RCOR2: variants seen among roughly 807,000 people sequenced by gnomAD.
RCOR2 encodes REST corepressor 2.
In RCOR2, 19 loss-of-function variants were observed where a neutral mutation model predicts 58.9. The ratio of observed to expected loss-of-function variants is 0.32; its 90% CI spans 0.23 to 0.47. The LOEUF (loss-of-function observed/expected upper bound fraction) is 0.47, where lower values mean the gene tolerates loss of function less well. Among genes scored for constraint, RCOR2 ranks in the 20% least tolerant of loss-of-function variants. The probability of loss-of-function intolerance (pLI) is 1.00; values close to 1 mark genes in which losing one functional copy is unlikely to be tolerated. For synonymous variants in RCOR2, 286 were observed against 278.7 expected (o/e 1.03, Z -0.26); for missense variants, 590 against 707.9 (o/e 0.83, Z 1.89).
Position 63,914,179 on chromosome 11 carries a change from A to G in RCOR2, c.676-10T>C. 6.2e-7 allele frequency: 1 copy of G among 1,613,552 alleles called. No individual in the cohort carries two copies. The highest frequency in any genetic ancestry group is 8.5e-7 in the Non-Finnish European group (1 of 1,179,874). The stretch of plus-strand genomic sequence containing the variant: ...GCCGAGAGGGTAGAGGCTGCCAGTG[A>G]AAGGAGAGGCAGGTAGGTGGTGCAG... On this transcript the variant is annotated splice_polypyrimidine_tract_variant and intron_variant, in intron 7 of 11. Coordinates refer to ENST00000301459, the MANE Select transcript of RCOR2 (RefSeq NM_173587.4).
At chr11:63,915,910 G>A (rs73494154) in intron 1 of RCOR2, among the ~76,000 whole-genome samples, 5,686 of 152,242 alleles carry the variant, frequency 0.037, 273 homozygotes, top group African/African-American at 0.11. Context: ...CGGGGTTGGA[G>A]GGCAGCCCCT....
At position 63,912,001 on chromosome 11, in the gene RCOR2, C is replaced by T. The variant is rs1376306119; in HGVS notation, c.1436G>A (p.Arg479Gln). The T allele has an allele frequency of 3.3e-6, 4 of 1,210,120 alleles. No homozygotes were observed. The highest frequency in any genetic ancestry group is 4.2e-6 in the Non-Finnish European group (4 of 950,854). 75.0% of individuals were successfully genotyped at this position (1,210,120 alleles called of 1,614,324 possible). ...PLQQGRFLQP[R>Q]LAPNQPPPPL... The stretch of plus-strand genomic sequence containing the variant: ...CGGTGGGGGCTGGTTGGGGGCCAGC[C>T]GGGGCTGGAGGAAGCGGCCCTGCTG... The change falls in exon 12 of 12, where the codon CGG becomes CAG. Residue 479 changes from arginine to glutamine, a missense_variant. Arg to Gln is a conservative substitution (Grantham distance 43). Coordinates refer to ENST00000301459, the MANE Select transcript of RCOR2 (RefSeq NM_173587.4).
chr11:63,912,624 G>C (rs1394214369), intron 10 of RCOR2, 52 bp downstream of exon 10: 2 of 1,580,790 alleles, frequency 1.3e-6, no homozygotes, highest in Admixed American at 1.7e-5. Flanking sequence ...CTCCTTGGAG[G>C]GTGGGGAGAT....
chr11:63,926,035 G>A, the RCOR2 span, among the ~76,000 whole-genome samples: 8 of 151,842 alleles, frequency 5.3e-5, no homozygotes, highest in Admixed American at 2.0e-4. Flanking sequence ...TCGACCTCCC[G>A]AATAACTGGG....
upstream of RCOR2, among the ~76,000 whole-genome samples, chr11:63,921,952 G>A (rs149176924): frequency 6.6e-6 from 1 of 152,346 alleles, no homozygotes; most frequent in East Asian, 1.9e-4. Flanking sequence ...CAACAGTGTT[G>A]AGAGGTGGGA....
Position 63,912,000 on chromosome 11 carries a change from C to T in RCOR2, c.1437G>A (p.Arg479=). ...GCGGTGGGGGCTGGTTGGGGGCCAG[C>T]CGGGGCTGGAGGAAGCGGCCCTGCT... ...PLQQGRFLQP[R]LAPNQPPPPL... The change falls in exon 12 of 12, where the codon CGG becomes CGA. Residue 479 remains arginine, a synonymous_variant. Transcript: ENST00000301459. The T allele has an allele frequency of 7.0e-7, 1 of 1,427,584 alleles. No individual in the cohort carries two copies. Among genetic ancestry groups the T allele is most frequent in the Non-Finnish European group, 9.2e-7 (1 of 1,088,248 alleles). 88.4% of individuals were successfully genotyped at this position (1,427,584 alleles called of 1,614,324 possible).
the RCOR2 span, among the ~76,000 whole-genome samples, chr11:63,924,181 A>T: frequency 0.87 from 132,356 of 152,062 alleles, 58,487 homozygotes; most frequent in East Asian, 0.99. Context: ...GTCCTGGGAT[A>T]ACAGGCGTGA....
upstream of RCOR2, among the ~76,000 whole-genome samples, chr11:63,920,531 G>A (rs926792925): frequency 3.3e-5 from 5 of 152,234 alleles, no homozygotes; most frequent in African/African-American, 1.2e-4. Context: ...CAGCCAAGGG[G>A]CTAAACTTGG....
the RCOR2 span, among the ~76,000 whole-genome samples, chr11:63,924,087 T>C: frequency 0.056 from 8,580 of 152,194 alleles, 809 homozygotes; most frequent in African/African-American, 0.2. Flanking sequence ...TTTGTATTTT[T>C]AGTAGAGACA....
rs10897461 is a variant in RCOR2 at position 63,914,041 on chromosome 11, T to C, written c.804A>G (p.Glu268=). ...RPPKGMYLSP[E]GLTAVSGSPD... The stretch of plus-strand genomic sequence containing the variant: ...GGCTTCCTGACACTGCCGTGAGGCC[T>C]TCAGGGCTCAGGTACATGCCCTTGG... The change falls in exon 8 of 12, where the codon GAA becomes GAG. Residue 268 remains glutamate, a synonymous_variant. Transcript: ENST00000301459. 1,607,105 of 1,613,884 alleles carry C rather than the reference T, an allele frequency of 1. 800,397 individuals are homozygous for C. Among genetic ancestry groups the C allele is most frequent in the East Asian group, 1 (44,876 of 44,876 alleles).
intron 1 of RCOR2, among the ~76,000 whole-genome samples, 196 bp downstream of exon 1, chr11:63,916,134 C>T (rs1045291421): frequency 6.6e-6 from 1 of 152,234 alleles, no homozygotes; most frequent in African/African-American, 2.4e-5. Context: ...GACGCCTCCA[C>T]AGCAGCTAGG....
At chr11:63,913,649 A>C (rs1941812447) in intron 8 of RCOR2, among the ~76,000 whole-genome samples, 1 of 151,802 alleles carries the variant, frequency 6.6e-6, no homozygotes. Context: ...CGCCCAGCTA[A>C]TTTTTGTATT....
upstream of RCOR2, among the ~76,000 whole-genome samples, chr11:63,918,381 C>T (rs1941890869): frequency 6.6e-6 from 1 of 152,176 alleles, no homozygotes. Flanking sequence ...CCGGGGACTC[C>T]TGCGGACAGC....
chr11:63,921,802 C>A (rs957244560), upstream of RCOR2, among the ~76,000 whole-genome samples: 1 of 152,202 alleles, frequency 6.6e-6, no homozygotes, highest in African/African-American at 2.4e-5. Context: ...TGGACCAGTT[C>A]GGGCCAGCCC....
At position 63,913,919 on chromosome 11, in the gene RCOR2, C is replaced by A. The variant is rs564581126; in HGVS notation, c.891+35G>T. ...TTCAGTTCCCAGGTGCCGAATGCCA[C>A]CTTTGCATAGCCCGTTCATTTCCCA... is the stretch of plus-strand genomic sequence containing the variant. On this transcript the variant is annotated intron_variant, in intron 8 of 11. Coordinates refer to ENST00000301459, the MANE Select transcript of RCOR2 (RefSeq NM_173587.4). The A allele has an allele frequency of 3.7e-6, 6 of 1,603,202 alleles. No homozygotes were observed. The African/African-American group carries it at 8.0e-5, about 21-fold the overall frequency.
rs761142134 is a variant in RCOR2, at chr11:63,912,574, G to T, written c.1028-40C>A. ...AGGGCAGCAGCGTCAATACCCCTTC[G>T]AACTAGTTACTTCCCTGACCCTTCC... On this transcript the variant is annotated intron_variant, in intron 10 of 11. Transcript: ENST00000301459. The T allele has an allele frequency of 8.2e-6, 13 of 1,588,302 alleles. 1 individual carries two copies. In the South Asian group the frequency reaches 1.4e-4, roughly 18 times the overall value.
chr11:63,918,754 A>G (rs567795944), upstream of RCOR2, among the ~76,000 whole-genome samples: 10 of 152,006 alleles, frequency 6.6e-5, no homozygotes, highest in East Asian at 9.7e-4. Flanking sequence ...AGCCTCTCCT[A>G]CGGTGCTGTC....
chr11:63,913,248 G>A (rs1355310140), intron 8 of RCOR2, among the ~76,000 whole-genome samples: 9 of 139,912 alleles, frequency 6.4e-5, no homozygotes, highest in Admixed American at 5.2e-4. Flanking sequence ...GTGCAATGGC[G>A]CAATCTCAGC....
chr11:63,913,182 A>ATT (rs1191861588), intron 8 of RCOR2, among the ~76,000 whole-genome samples: 51 of 81,678 alleles, frequency 6.2e-4, no homozygotes, highest in East Asian at 4.5e-3. Context: ...ATATATATAT[A>ATT]TATTTTTTTT....
Sources: gnomAD v4.1 joint callset for allele counts (sites outside exome capture counted in the v4.1 genomes callset) on GRCh38, gnomAD v4.1.1 for gene constraint, MANE v1.5 for transcripts, NCBI Gene and HGNC (gene_info 2026-07-23, HGNC 2026-07-21) for gene names.